CHML: variants seen among roughly 807,000 people sequenced by gnomAD.
CHML encodes CHM like Rab escort protein.
Under a neutral mutation model 30.4 loss-of-function variants are expected in CHML, and 20 were observed. The observed-to-expected ratio is 0.66, with a 90% confidence interval of 0.46 to 0.95. The LOEUF is 0.95. CHML is among the 40% of genes least tolerant of loss of function. The probability of loss-of-function intolerance (pLI) is 0.00; values close to 1 mark genes in which losing one functional copy is unlikely to be tolerated. For missense variants in CHML, 795 were observed against 768.5 expected (o/e 1.03, Z -0.41); for synonymous variants, 281 against 275.0 (o/e 1.02, Z -0.22).
At chr1:241,639,484 T>C (rs1325785756) in intron 1 of CHML, among the ~76,000 whole-genome samples, 2 of 152,178 alleles carry the variant, frequency 1.3e-5, no homozygotes, top group Non-Finnish European at 2.9e-5. Context: ...ACTTTTTTTC[T>C]TGAATCTCTT....
At chr1:241,639,056 A>T (rs1273000628) in intron 1 of CHML, 2 of 152,252 alleles carry the variant, frequency 1.3e-5, no homozygotes, top group African/African-American at 4.8e-5. Context: ...ATCATCCTTC[A>T]AAACATCATG....
chr1:241,638,621 A>ACATACACT lies in CHML; in HGVS notation c.-308+1253_-308+1260dup, dbSNP rs1176143186. ...CCCATAGTCGTCCATACCACAGCCT[A>ACATACACT]CATACACTTGCAGTCCCCTCCCTAA... On this transcript the variant is annotated intron_variant, in intron 1 of 1. Coordinates refer to ENST00000366553, the MANE Select transcript of CHML (RefSeq NM_001381853.1). Among the ~76,000 whole-genome samples, 5 of 152,180 alleles carry ACATACACT rather than the reference A, an allele frequency of 3.3e-5. No individual in the cohort carries two copies. The South Asian group carries it at 6.2e-4, about 19-fold the overall frequency.
In CHML at chr1:241,635,007, T is replaced by C; in HGVS notation, c.760A>G (p.Ser254Gly). Residue 254 changes from serine to glycine, a missense_variant, in exon 2 of 2, where the codon AGT becomes GGT. Transcript: ENST00000366553. ...LIDLLIKSDV[S>G]RYVEFKNVTR... is the part of the protein sequence containing the mutation. ...ACATTTTTAAATTCTACATAACGAC[T>C]AACATCTGATTTGATTAAAAGATCA... The C allele has an allele frequency of 6.2e-7, 1 of 1,613,578 alleles. No individual in the cohort carries two copies. Among genetic ancestry groups the C allele is most frequent in the Non-Finnish European group, 8.5e-7 (1 of 1,179,816 alleles).
At chr1:241,638,466 G>C (rs1275151767) in intron 1 of CHML, among the ~76,000 whole-genome samples, 1 of 152,194 alleles carries the variant, frequency 6.6e-6, no homozygotes, top group African/African-American at 2.4e-5. Context: ...TGATGTCTGT[G>C]AACAAACACC....
chr1:241,633,715 C>G lies in CHML; in HGVS notation c.*81G>C. 7.0e-7 allele frequency: 1 copy of G among 1,437,568 alleles called. No homozygotes were observed. The highest frequency in any genetic ancestry group is 1.4e-5 in the African/African-American group (1 of 70,292). 89.1% of individuals were successfully genotyped at this position (1,437,568 alleles called of 1,614,324 possible). On this transcript the variant is annotated 3_prime_UTR_variant, in exon 2 of 2. Transcript: ENST00000366553. ...TCATATATAACCACTTCTAATTACTCATATGGGAAACTGTCCTTTAAATGA... is the reference window on the plus strand; with the variant it reads ...TCATATATAACCACTTCTAATTACTGATATGGGAAACTGTCCTTTAAATGA...
rs1664887918 is a variant in CHML, at chr1:241,636,106, G to T, written c.-307-33C>A. The T allele has an allele frequency of 2.3e-5, 10 of 433,448 alleles. 1 individual carries two copies. The South Asian group carries it at 7.6e-4, about 33-fold the overall frequency. 26.9% of individuals were successfully genotyped at this position (433,448 alleles called of 1,614,324 possible). A position where few individuals can be genotyped will look rare whatever the true frequency, so the allele number is the denominator to read the frequency against. On this transcript the variant is annotated intron_variant, in intron 1 of 1. Coordinates refer to ENST00000366553, the MANE Select transcript of CHML (RefSeq NM_001381853.1). ...AAGAAAATTCAAGAAAGAATACATT[G>T]TAAACAATATAAGAGAAAAATAATT...
chr1:241,640,163 C>T lies in CHML; in HGVS notation c.-589G>A. ...GCCGGGGCTGAAGAGGGGCGCGGGGCTCAGTGTCCCCGCCGGCGCCGGCCC... is the reference window on the plus strand; with the variant it reads ...GCCGGGGCTGAAGAGGGGCGCGGGGTTCAGTGTCCCCGCCGGCGCCGGCCC... On this transcript the variant is annotated 5_prime_UTR_variant, in exon 1 of 2. Coordinates refer to ENST00000366553, the MANE Select transcript of CHML (RefSeq NM_001381853.1). The T allele has an allele frequency of 5.4e-6, 8 of 1,477,454 alleles. No individual in the cohort carries two copies. Among genetic ancestry groups the T allele is most frequent in the Non-Finnish European group, 7.2e-6 (8 of 1,117,546 alleles). The allele number at this position is 1,477,454 out of a possible 1,614,324, so 91.5% of individuals were successfully genotyped here. A position where few individuals can be genotyped will look rare whatever the true frequency, so the allele number is the denominator to read the frequency against.
Position 241,634,242 on chromosome 1 carries a change from G to A in CHML, c.1525C>T (p.His509Tyr), listed in dbSNP as rs760144305. The change falls in exon 2 of 2, where the codon CAT becomes TAT. Residue 509 changes from histidine (H) to tyrosine (Y), a missense_variant. His to Tyr is a moderately conservative substitution (Grantham distance 83). Transcript: ENST00000366553. The part of the protein sequence containing the change: ...MTCMKDTYLV[H>Y]LTCSSSKTAR... Reference sequence around the variant, plus strand: ...GTTTTAGAAGATGAACATGTCAAATGTACCAGATAGGTGTCCTTCATGCAT... The same window carrying A: ...GTTTTAGAAGATGAACATGTCAAATATACCAGATAGGTGTCCTTCATGCAT... The A allele has an allele frequency of 5.0e-6, 8 of 1,613,866 alleles. No individual in the cohort carries two copies. The highest frequency in any genetic ancestry group is 1.6e-4 in the Middle Eastern group (1 of 6,062).
Position 241,633,804 on chromosome 1 carries a change from G to A in CHML, c.1963C>T (p.Gln655Ter), listed in dbSNP as rs747095226. The change falls in exon 2 of 2, where the codon CAA (glutamine) becomes TAA (stop). Residue 655 changes from glutamine to a stop codon, truncating the protein, a stop_gained. Transcript: ENST00000366553. LOFTEE classifies it high-confidence loss of function. ...TTCGAGATTGCTCTTTTCTAATTTT[G>A]AAGGTGCTTCTCTGGGCTTTCTAGG... is the stretch of plus-strand genomic sequence containing the variant. The part of the protein sequence containing the change: ...KNLESPEKHL[Q>*]N 2 of 1,613,446 alleles carry A rather than the reference G, an allele frequency of 1.2e-6. No individual in the cohort carries two copies. The highest frequency in any genetic ancestry group is 1.7e-6 in the Non-Finnish European group (2 of 1,179,634).
chr1:241,633,889 C>G lies in CHML; in HGVS notation c.1878G>C (p.Glu626Asp). 1 of 1,613,860 alleles carries G rather than the reference C, an allele frequency of 6.2e-7. No homozygotes were observed. Among genetic ancestry groups the G allele is most frequent in the Non-Finnish European group, 8.5e-7 (1 of 1,179,792 alleles). Residue 626 changes from glutamate to aspartate, a missense_variant, in exon 2 of 2, where the codon GAG (glutamate) becomes GAC (aspartate). Glu to Asp is a conservative substitution (Grantham distance 45). Coordinates refer to ENST00000366553, the MANE Select transcript of CHML (RefSeq NM_001381853.1). ...IIFDGDDKQP[E>D]APGTNNVVMA... ...TTACTACATTATTGGTTCCAGGAGC[C>G]TCTGGCTGCTTATCATCACCATCAA...
intron 1 of CHML, among the ~76,000 whole-genome samples, chr1:241,639,593 G>A (rs938828234): frequency 1.3e-5 from 2 of 151,804 alleles, no homozygotes; most frequent in Non-Finnish European, 2.9e-5. Context: ...AAGAAAGGAG[G>A]CGGGCCGGGG....
rs370490080 is a variant in CHML, at chr1:241,636,308, C to G, written c.-307-235G>C. The stretch of plus-strand genomic sequence containing the variant: ...AGTAATAGAGAATGAACATAATGTT[C>G]CACAAAAATAAAGAAGAAATAACAT... On this transcript the variant is annotated intron_variant, in intron 1 of 1. Transcript: ENST00000366553. Among the ~76,000 whole-genome samples, 7 of 152,248 alleles carry G rather than the reference C, an allele frequency of 4.6e-5. No individual in the cohort carries two copies. The South Asian group carries it at 1.0e-3, about 23-fold the overall frequency.
rs1417496368 is a variant in CHML at position 241,634,287 on chromosome 1, A to G, written c.1480T>C (p.Leu494=). ...ATGCATGTCATGGTTGAAGAACATA[A>G]TTCTGTGACCCGTACAGCACAAGCT... ...PGACAVRVTE[L]CSSTMTCMKD... The change falls in exon 2 of 2, where the codon TTA becomes CTA. Residue 494 remains leucine (L), a synonymous_variant. Transcript: ENST00000366553. 6.2e-7 allele frequency: 1 copy of G among 1,614,000 alleles called. No homozygotes were observed. Among genetic ancestry groups the G allele is most frequent in the Non-Finnish European group, 8.5e-7 (1 of 1,179,918 alleles).
In CHML at chr1:241,635,989, T is replaced by C; in HGVS notation, c.-223A>G. 1 of 498,978 alleles carries C rather than the reference T, an allele frequency of 2.0e-6. No individual in the cohort carries two copies. The highest frequency in any genetic ancestry group is 3.5e-6 in the Non-Finnish European group (1 of 282,170). The allele number at this position is 498,978 out of a possible 1,614,324, so 30.9% of individuals were successfully genotyped here. ...CTAATCACATCTGAGAATACTAAAA[T>C]GGATGTGTGGTTTCATTTCTGCATT... On this transcript the variant is annotated 5_prime_UTR_variant, in exon 2 of 2. Coordinates refer to ENST00000366553, the MANE Select transcript of CHML (RefSeq NM_001381853.1).
chr1:241,632,980 T>C lies in CHML; in HGVS notation c.*816A>G, dbSNP rs1311613632. 6.6e-6 allele frequency: 1 copy of C among 152,182 alleles called. No homozygotes were observed. Among genetic ancestry groups the C allele is most frequent in the Non-Finnish European group, 1.5e-5 (1 of 68,020 alleles). 9.4% of individuals were successfully genotyped at this position (152,182 alleles called of 1,614,324 possible). A position where few individuals can be genotyped will look rare whatever the true frequency, so the allele number is the denominator to read the frequency against. ...CATTTTTCCTTTTGGTCTAAGTTACTTATTGGAAGCTATTTTAAGTGCCAG... is the reference window on the plus strand; with the variant it reads ...CATTTTTCCTTTTGGTCTAAGTTACCTATTGGAAGCTATTTTAAGTGCCAG... On this transcript the variant is annotated 3_prime_UTR_variant, in exon 2 of 2. Coordinates refer to ENST00000366553, the MANE Select transcript of CHML (RefSeq NM_001381853.1).
Position 241,633,614 on chromosome 1 carries a change from T to G in CHML, c.*182A>C. ...AACAAAATGTTCAATAATCAATAAA[T>G]CACTCATTGATAGGTTAACAAAGAT... On this transcript the variant is annotated 3_prime_UTR_variant, in exon 2 of 2. Coordinates refer to ENST00000366553, the MANE Select transcript of CHML (RefSeq NM_001381853.1). 1 of 656,900 alleles carries G rather than the reference T, an allele frequency of 1.5e-6. No individual in the cohort carries two copies. Among genetic ancestry groups the G allele is most frequent in the Non-Finnish European group, 2.6e-6 (1 of 391,850 alleles). The allele number at this position is 656,900 out of a possible 1,614,324, so 40.7% of individuals were successfully genotyped here.
Position 241,634,702 on chromosome 1 carries a change from A to G in CHML, c.1065T>C (p.Asp355=), listed in dbSNP as rs756175638. Residue 355 remains aspartate, a synonymous_variant, in exon 2 of 2, where the codon GAT becomes GAC. Coordinates refer to ENST00000366553, the MANE Select transcript of CHML (RefSeq NM_001381853.1). ...GGAAGTTTTTAGTTGCGTTAAGACCATCTATTGTAGTGCAAGATGATTCTG... is the reference window on the plus strand; with the variant it reads ...GGAAGTTTTTAGTTGCGTTAAGACCGTCTATTGTAGTGCAAGATGATTCTG... ...MTSESSCTTI[D]GLNATKNFLQ... The G allele has an allele frequency of 6.2e-6, 10 of 1,614,016 alleles. No individual in the cohort carries two copies. Among genetic ancestry groups the G allele is most frequent in the Non-Finnish European group, 8.5e-6 (10 of 1,179,898 alleles).
intron 1 of CHML, among the ~76,000 whole-genome samples, chr1:241,637,528 G>A (rs1349433263): frequency 6.6e-6 from 1 of 152,186 alleles, no homozygotes; most frequent in African/African-American, 2.4e-5. Context: ...ATCTATGATG[G>A]TATCTGAAGA....
intron 1 of CHML, 116 bp downstream of exon 1, chr1:241,639,766 C>T: frequency 2.1e-6 from 2 of 965,150 alleles, no homozygotes; most frequent in Non-Finnish European, 2.7e-6. Flanking sequence ...GCGGGGGGCG[C>T]GGGGCCGAGC....
Sources: gnomAD v4.1 joint callset for allele counts (sites outside exome capture counted in the v4.1 genomes callset) on GRCh38, gnomAD v4.1.1 for gene constraint, MANE v1.5 for transcripts, NCBI Gene and HGNC (gene_info 2026-07-23, HGNC 2026-07-21) for gene names.